ANGPT1: variants seen among roughly 807,000 people sequenced by gnomAD.
The protein encoded by ANGPT1 is angiopoietin 1.
In ANGPT1, 17 loss-of-function variants were observed where a neutral mutation model predicts 62.2. The observed-to-expected ratio is 0.27, with a 90% CI of 0.19 to 0.41. ANGPT1 has a LOEUF of 0.41. ANGPT1 is among the 10% of genes least tolerant of loss of function. The probability of loss-of-function intolerance (pLI) is 1.00; values close to 1 mark genes in which losing one functional copy is unlikely to be tolerated. For missense variants in ANGPT1, 478 were observed against 594.9 expected, an observed-to-expected ratio of 0.80 and a Z score of 2.04; for synonymous variants, 199 against 198.9, an observed-to-expected ratio of 1.00 and a Z score of 0.00.
chr8:107,405,632 G>A (rs1456980153), intron 1 of ANGPT1, among the ~76,000 whole-genome samples: 1 of 151,878 alleles, frequency 6.6e-6, no homozygotes, highest in Non-Finnish European at 1.5e-5. Context: ...CAAGGTGTAT[G>A]ATTATATATA....
chr8:107,350,410 T>G (rs999078857), intron 1 of ANGPT1, among the ~76,000 whole-genome samples: 1 of 152,098 alleles, frequency 6.6e-6, no homozygotes, highest in African/African-American at 2.4e-5. Context: ...CCAGGTGTAA[T>G]AACAATCATG....
intron 7 of ANGPT1, among the ~76,000 whole-genome samples, chr8:107,268,227 C>G (rs925213967): frequency 6.6e-6 from 1 of 152,046 alleles, no homozygotes; most frequent in Non-Finnish European, 1.5e-5. Flanking sequence ...TTTTGGTAAG[C>G]TCAAGGTAGC....
At position 107,485,980 on chromosome 8, in the gene ANGPT1, G is replaced by C. The variant is rs906597869; in HGVS notation, c.297+11282C>G. On this transcript the variant is annotated intron_variant, in intron 1 of 8. Coordinates refer to ENST00000517746, the MANE Select transcript of ANGPT1 (RefSeq NM_001146.5). ...AGGGACTGCAGACGTGGGATTCTGC[G>C]GTCTGTTAACAGGCCTGTGGGAGGG... Among the ~76,000 whole-genome samples the C allele has an allele frequency of 1.3e-4, 20 of 152,264 alleles. No homozygotes were observed. The East Asian group carries it at 3.5e-3, about 26-fold the overall frequency.
intron 8 of ANGPT1, among the ~76,000 whole-genome samples, chr8:107,259,985 G>A (rs971774533): frequency 6.6e-6 from 1 of 151,990 alleles, no homozygotes; most frequent in Non-Finnish European, 1.5e-5. Flanking sequence ...TTTTCTTAAT[G>A]TTAAATAGTA....
At chr8:107,449,332 G>A (rs1277215955) in intron 1 of ANGPT1, among the ~76,000 whole-genome samples, 2 of 151,478 alleles carry the variant, frequency 1.3e-5, no homozygotes, top group African/African-American at 2.4e-5. Context: ...ATCTATAGTA[G>A]GCAGAGCTTT....
At chr8:107,406,404 A>T (rs571569972) in intron 1 of ANGPT1, among the ~76,000 whole-genome samples, 12 of 152,132 alleles carry the variant, frequency 7.9e-5, no homozygotes, top group East Asian at 7.7e-4. Context: ...TAAGTATTTT[A>T]AAAAAATTGG....
At chr8:107,399,072 G>C (rs1586289834) in intron 1 of ANGPT1, among the ~76,000 whole-genome samples, 1 of 152,136 alleles carries the variant, frequency 6.6e-6, no homozygotes, top group African/African-American at 2.4e-5. Context: ...AACTTTCACT[G>C]GTATTCTAAT....
chr8:107,496,830 G>A (rs971958854), intron 1 of ANGPT1, among the ~76,000 whole-genome samples: 9 of 151,954 alleles, frequency 5.9e-5, no homozygotes, highest in African/African-American at 1.9e-4. Flanking sequence ...CAAATACTTT[G>A]TGATGATTTG....
At chr8:107,283,140 G>C (rs1814056526) in intron 7 of ANGPT1, among the ~76,000 whole-genome samples, 1 of 152,148 alleles carries the variant, frequency 6.6e-6, no homozygotes, top group African/African-American at 2.4e-5. Context: ...CAGGCTGTCT[G>C]ACATTAGCCA....
chr8:107,472,005 C>T (rs576266241), intron 1 of ANGPT1, among the ~76,000 whole-genome samples: 143 of 152,128 alleles, frequency 9.4e-4, no homozygotes, highest in African/African-American at 3.3e-3. Flanking sequence ...TATTATGTCT[C>T]TTTAGGCTCC....
At chr8:107,292,983 G>A (rs928543689) in intron 6 of ANGPT1, among the ~76,000 whole-genome samples, 1 of 152,084 alleles carries the variant, frequency 6.6e-6, no homozygotes, top group Admixed American at 6.5e-5. Context: ...AGATTCTCCT[G>A]CATTACTATG....
intron 1 of ANGPT1, among the ~76,000 whole-genome samples, chr8:107,413,747 T>C (rs1447343728): frequency 6.6e-6 from 1 of 151,872 alleles, no homozygotes; most frequent in Non-Finnish European, 1.5e-5. Context: ...AAATTCATGA[T>C]GGAAAAATAT....
At chr8:107,335,633 T>TA (rs1384745787) in intron 3 of ANGPT1, among the ~76,000 whole-genome samples, 4 of 152,106 alleles carry the variant, frequency 2.6e-5, no homozygotes, top group Non-Finnish European at 5.9e-5. Context: ...AAATGACAAC[T>TA]AAAAAACCAA....
chr8:107,269,235 C>T (rs1229921960), intron 7 of ANGPT1, among the ~76,000 whole-genome samples: 4 of 151,852 alleles, frequency 2.6e-5, no homozygotes, highest in African/African-American at 7.3e-5. Context: ...CCAAAGCCAA[C>T]GACCACAGCT....
chr8:107,273,259 T>C (rs942918155), intron 7 of ANGPT1, among the ~76,000 whole-genome samples: 1 of 152,064 alleles, frequency 6.6e-6, no homozygotes, highest in Non-Finnish European at 1.5e-5. Context: ...TTGGGGTAGA[T>C]AGAGAGAGGA....
At chr8:107,414,216 A>C (rs1366640957) in intron 1 of ANGPT1, among the ~76,000 whole-genome samples, 2 of 152,140 alleles carry the variant, frequency 1.3e-5, no homozygotes, top group Non-Finnish European at 2.9e-5. Flanking sequence ...GCCCCCAAAC[A>C]AGGGAATCCA....
At chr8:107,375,133 C>T (rs1816503614) in intron 1 of ANGPT1, among the ~76,000 whole-genome samples, 1 of 151,466 alleles carries the variant, frequency 6.6e-6, no homozygotes, top group African/African-American at 2.4e-5. Context: ...GCACTCCAGC[C>T]TGGTGACAGA....
intron 1 of ANGPT1, among the ~76,000 whole-genome samples, chr8:107,386,125 A>G (rs1280820332): frequency 6.6e-6 from 1 of 152,056 alleles, no homozygotes; most frequent in Non-Finnish European, 1.5e-5. Flanking sequence ...CCATTATCCT[A>G]GGTTAGTTGA....
intron 1 of ANGPT1, among the ~76,000 whole-genome samples, chr8:107,475,729 A>T (rs2130508433): frequency 6.6e-6 from 1 of 152,324 alleles, no homozygotes; most frequent in Admixed American, 6.5e-5. Context: ...GAACTCAAAC[A>T]AATTGAGAAG....
Sources: allele counts gnomAD v4.1 joint callset (sites outside exome capture counted in the v4.1 genomes callset), GRCh38; gene constraint gnomAD v4.1.1; transcripts MANE v1.5; gene names NCBI Gene and HGNC (gene_info 2026-07-23, HGNC 2026-07-21).